The following EPHA6 variants were observed in gnomAD, a reference collection of about 807,000 sequenced individuals.
EPHA6 encodes ephrin type-A receptor 6.
EPHA6 carries 50 observed loss-of-function variants against 112.0 expected under a neutral mutation model. The ratio of observed to expected loss-of-function variants is 0.45; its 90% CI spans 0.36 to 0.56. The LOEUF (loss-of-function observed/expected upper bound fraction) is 0.56. Ranked by LOEUF, EPHA6 falls within the 20% of genes least tolerant of loss-of-function variation. EPHA6 has a pLI of 0.00. For synonymous variants in EPHA6, 529 were observed against 490.7 expected, an observed-to-expected ratio of 1.08 and a Z score of -1.03; for missense variants, 1,280 against 1,417.4, an observed-to-expected ratio of 0.90 and a Z score of 1.56.
chr3:97,708,765 G>T (rs761785442), intron 14 of EPHA6, among the ~76,000 whole-genome samples: 1 of 152,232 alleles, frequency 6.6e-6, no homozygotes, highest in African/African-American at 2.4e-5. Flanking sequence ...TGAGGACTTG[G>T]TGCCCAGTGT....
intron 13 of EPHA6, among the ~76,000 whole-genome samples, chr3:97,632,841 A>G (rs1320096799): frequency 2.0e-5 from 3 of 152,144 alleles, no homozygotes; most frequent in Non-Finnish European, 2.9e-5. Context: ...TCTGTCATTG[A>G]AAATCATTGA....
chr3:97,344,774 TA>T (rs2083459179), intron 5 of EPHA6, among the ~76,000 whole-genome samples: 1 of 152,190 alleles, frequency 6.6e-6, no homozygotes, highest in Non-Finnish European at 1.5e-5. Flanking sequence ...CTTATGGATT[TA>T]ATTTGCATAC....
intron 14 of EPHA6, among the ~76,000 whole-genome samples, chr3:97,641,978 C>A (rs938941397): frequency 2.7e-4 from 41 of 149,792 alleles, no homozygotes; most frequent in African/African-American, 8.6e-4. Flanking sequence ...GGCTCCACCT[C>A]TGGTGTCAGG....
intron 6 of EPHA6, among the ~76,000 whole-genome samples, chr3:97,406,555 T>TA (rs2087361021): frequency 6.6e-6 from 1 of 152,124 alleles, no homozygotes; most frequent in African/African-American, 2.4e-5. Flanking sequence ...GCAATCAAAT[T>TA]AAAACATAAG....
intron 3 of EPHA6, among the ~76,000 whole-genome samples, chr3:97,175,731 G>T (rs2108438743): frequency 6.6e-6 from 1 of 151,880 alleles, no homozygotes; most frequent in Middle Eastern, 3.4e-3. Flanking sequence ...ATTTTTGTCT[G>T]TTGAATTTGT....
At chr3:97,218,349 T>C (rs2078092641) in intron 3 of EPHA6, among the ~76,000 whole-genome samples, 2 of 152,082 alleles carry the variant, frequency 1.3e-5, no homozygotes, top group African/African-American at 4.8e-5. Context: ...AAGAACTGCC[T>C]GAGACAAGGT....
chr3:97,598,888 T>TAA (rs573785763), intron 12 of EPHA6, among the ~76,000 whole-genome samples: 3 of 151,208 alleles, frequency 2.0e-5, no homozygotes, highest in African/African-American at 7.3e-5. Context: ...ACCAACAGTG[T>TAA]AAAAGTGTTC....
rs191347260 is a variant in EPHA6 at position 96,826,278 on chromosome 3, G to C, written c.385+11270G>C. On this transcript the variant is annotated intron_variant, in intron 1 of 17. Transcript: ENST00000389672. ...TTACTGAATTGGACATATTTTCAAAGTTTTGATACCTTAATTCTAAAACAT... is the reference window on the plus strand; with the variant it reads ...TTACTGAATTGGACATATTTTCAAACTTTTGATACCTTAATTCTAAAACAT... Among the ~76,000 whole-genome samples the C allele has an allele frequency of 2.1e-3, 316 of 152,022 alleles. 1 individual carries two copies. The highest frequency in any genetic ancestry group is 3.4e-3 in the Non-Finnish European group (229 of 67,914).
In EPHA6 at chr3:97,739,183, T is replaced by G. The variant is rs377703622; in HGVS notation, c.3128+3065T>G. Among the ~76,000 whole-genome samples the G allele has an allele frequency of 9.2e-5, 14 of 152,194 alleles. No individual in the cohort carries two copies. The South Asian group carries it at 2.7e-3, about 29-fold the overall frequency. On this transcript the variant is annotated intron_variant, in intron 16 of 17. Transcript: ENST00000389672. Reference sequence around the variant, plus strand: ...TAAGGAAACATGACATATGTAGAATTTCCATCTTTTCTCCTGTATCTCTCA... The same window carrying G: ...TAAGGAAACATGACATATGTAGAATGTCCATCTTTTCTCCTGTATCTCTCA...
chr3:96,978,707 A>G (rs530912157), intron 2 of EPHA6, among the ~76,000 whole-genome samples: 16 of 152,258 alleles, frequency 1.1e-4, no homozygotes, highest in Non-Finnish European at 1.9e-4. Context: ...GTAAAAAAAA[A>G]TGCATCATTT....
At chr3:97,458,651 T>G (rs1560030734) in intron 7 of EPHA6, among the ~76,000 whole-genome samples, 1 of 152,206 alleles carries the variant, frequency 6.6e-6, no homozygotes, top group Non-Finnish European at 1.5e-5. Flanking sequence ...ATCATTATTT[T>G]AAATATTGTT....
intron 2 of EPHA6, among the ~76,000 whole-genome samples, chr3:96,873,223 C>A (rs1455769216): frequency 6.6e-6 from 1 of 151,722 alleles, no homozygotes; most frequent in East Asian, 1.9e-4. Context: ...AAGATCATGC[C>A]CCTGCAGTTC....
chr3:97,600,701 G>T (rs1297923622), intron 12 of EPHA6, among the ~76,000 whole-genome samples: 2 of 151,692 alleles, frequency 1.3e-5, no homozygotes, highest in Non-Finnish European at 1.5e-5. Context: ...CCTAAAGTTT[G>T]CACACAAAGA....
chr3:97,428,235 G>C (rs9283578), intron 6 of EPHA6, among the ~76,000 whole-genome samples: 18,778 of 152,004 alleles, frequency 0.12, 3,722 homozygotes, highest in African/African-American at 0.41. Context: ...TATTTATGTA[G>C]CTTTAAGGAT....
At chr3:97,613,854 T>C (rs549508464) in intron 13 of EPHA6, among the ~76,000 whole-genome samples, 1 of 152,334 alleles carries the variant, frequency 6.6e-6, no homozygotes, top group East Asian at 1.9e-4. Context: ...CACACTAATG[T>C]ATTTTCTCTA....
chr3:97,077,731 T>C (rs530195368), intron 3 of EPHA6, among the ~76,000 whole-genome samples: 133 of 152,322 alleles, frequency 8.7e-4, no homozygotes, highest in South Asian at 1.7e-3. Flanking sequence ...ACTCATCCTT[T>C]TTTATGGCTG....
chr3:97,071,509 G>A (rs1028342856), intron 3 of EPHA6, among the ~76,000 whole-genome samples: 71 of 152,002 alleles, frequency 4.7e-4, no homozygotes, highest in African/African-American at 1.5e-3. Context: ...CTTACATGCC[G>A]GTGGCAAGAG....
rs1268728423 is a variant in EPHA6 at position 97,756,474 on chromosome 3, G to A, written c.*7773G>A. Among the ~76,000 whole-genome samples the A allele has an allele frequency of 6.6e-6, 1 of 151,898 alleles. No homozygotes were observed. Among genetic ancestry groups the A allele is most frequent in the Non-Finnish European group, 1.5e-5 (1 of 67,812 alleles). ...ACATAGTTAATAAACAATGATTGGA[G>A]CTTTTCAAAATTGCTGCTCTGCATG... On this transcript the variant is annotated 3_prime_UTR_variant, in exon 18 of 18. Coordinates refer to ENST00000389672, the MANE Select transcript of EPHA6 (RefSeq NM_001080448.3).
At chr3:97,109,602 G>A (rs1455297234) in intron 3 of EPHA6, among the ~76,000 whole-genome samples, 3 of 152,164 alleles carry the variant, frequency 2.0e-5, no homozygotes, top group Admixed American at 2.0e-4. Context: ...ATAAAGTACA[G>A]AGTTGTTTTT....
Sources: allele counts gnomAD v4.1 joint callset (sites outside exome capture counted in the v4.1 genomes callset), GRCh38; gene constraint gnomAD v4.1.1; transcripts MANE v1.5; gene names NCBI Gene and HGNC (gene_info 2026-07-23, HGNC 2026-07-21).